Variants in TNC observed in about 807,000 individuals in gnomAD.
TNC encodes tenascin C.
Under a neutral mutation model 202.4 loss-of-function variants are expected in TNC, and 109 were observed. The ratio of observed to expected loss-of-function variants is 0.54; its 90% CI spans 0.46 to 0.63. TNC has a LOEUF of 0.63. TNC is among the 30% of genes least tolerant of loss of function. TNC has a pLI of 0.00. For synonymous variants in TNC, 1,007 were observed against 1,089.7 expected, an observed-to-expected ratio of 0.92 and a Z score of 1.50; for missense variants, 2,756 against 2,833.3, an observed-to-expected ratio of 0.97 and a Z score of 0.62.
rs146968992 is a variant in TNC at position 115,090,767 on chromosome 9, G to T, written c.252C>A (p.Ser84Arg). ...EKDLAPPSEP[S>R]ESFQEHTVDG... is the part of the protein sequence containing the mutation. ...CCACTGTGTGCTCCTGAAAGCTTTC[G>T]CTGGGCTCTGAAGGCGGTGCCAGGT... Residue 84 changes from serine (S) to arginine (R), a missense_variant, in exon 2 of 28, where the codon AGC becomes AGA. Coordinates refer to ENST00000350763, the MANE Select transcript of TNC (RefSeq NM_002160.4). 2.5e-6 allele frequency: 4 copies of T among 1,614,076 alleles called. No individual in the cohort carries two copies. The African/African-American group carries it at 5.3e-5, about 22-fold the overall frequency.
chr9:115,090,677 G>A lies in TNC; in HGVS notation c.342C>T (p.Ala114=), dbSNP rs748396580. The A allele has an allele frequency of 2.9e-5, 47 of 1,613,974 alleles. No homozygotes were observed. Among genetic ancestry groups the A allele is most frequent in the East Asian group, 4.5e-5 (2 of 44,872 alleles). ...GCAGCTCCTTAACATCAGGGGCTGC[G>A]GCACAGCCACAGGCCCGGCGGGGGA... ...INIPRRACGC[A]AAPDVKELLS... The change falls in exon 2 of 28, where the codon GCC becomes GCT. Residue 114 remains alanine (A), a synonymous_variant. Coordinates refer to ENST00000350763, the MANE Select transcript of TNC (RefSeq NM_002160.4).
rs57327715 is a variant in TNC, at chr9:115,087,527, GGTGTGTGT to G, written c.458-262_458-255del. Among the ~76,000 whole-genome samples the G allele has an allele frequency of 4.6e-3, 684 of 148,714 alleles. 5 individuals are homozygous for G. Among genetic ancestry groups the G allele is most frequent in the African/African-American group, 7.5e-3 (302 of 40,376 alleles). ...AAAACAGTGTGTGATTATGCATAGG[GGTGTGTGT>G]GTGTGTGTGTGTGTGTGTGTGTGTG... On this transcript the variant is annotated intron_variant, in intron 2 of 27. Transcript: ENST00000350763.
intron 18 of TNC, among the ~76,000 whole-genome samples, chr9:115,041,487 C>T (rs1830755488): frequency 6.6e-6 from 1 of 152,188 alleles, no homozygotes; most frequent in Non-Finnish European, 1.5e-5. Context: ...TATAGACTCC[C>T]TTACTAGAGG....
chr9:115,037,728 A>T (rs1169890777), intron 20 of TNC, among the ~76,000 whole-genome samples: 1 of 152,126 alleles, frequency 6.6e-6, no homozygotes, highest in East Asian at 1.9e-4. Flanking sequence ...AGGTTTCACC[A>T]TGTTGGCCAG....
intron 27 of TNC, 60 bp from the exon 28 acceptor site, chr9:115,021,327 G>T: frequency 8.5e-7 from 1 of 1,182,970 alleles, no homozygotes. Flanking sequence ...GTTGGTTACT[G>T]TTAGGCGAGG....
At chr9:115,106,786 G>A (rs140253867) in intron 1 of TNC, among the ~76,000 whole-genome samples, 88 of 152,260 alleles carry the variant, frequency 5.8e-4, no homozygotes, top group Middle Eastern at 3.4e-3. Context: ...ATCAGAGAGC[G>A]TTTCAGAGGG....
At chr9:115,117,135 A>G (rs10118040) in intron 1 of TNC, among the ~76,000 whole-genome samples, 60,710 of 151,996 alleles carry the variant, frequency 0.4, 12,597 homozygotes, top group East Asian at 0.7. Context: ...GGTCATATGT[A>G]TGGTGGTGGG....
rs541684033 is a variant in TNC, at chr9:115,033,517, C to A, written c.5787+1687G>T. On this transcript the variant is annotated intron_variant, in intron 22 of 27. Transcript: ENST00000350763. ...CCTAGAATGCCTGACAAGGAGAAGA[C>A]CTTAAAGATGGATAAGTCCAAGGCA... Among the ~76,000 whole-genome samples, 10 of 152,208 alleles carry A rather than the reference C, an allele frequency of 6.6e-5. No individual in the cohort carries two copies. In the East Asian group the frequency reaches 9.7e-4, roughly 15 times the overall value.
At chr9:115,082,070 G>GT in intron 5 of TNC, 142 bp from the exon 6 acceptor site, 1 of 731,452 alleles carries the variant, frequency 1.4e-6, no homozygotes, top group Non-Finnish European at 2.1e-6. Context: ...AGATCAGTAT[G>GT]TAAGCTACTG....
chr9:115,087,169 G>A lies in TNC; in HGVS notation c.562C>T (p.Pro188Ser). Reference sequence around the variant, plus strand: ...AGGTGACAGTTGCCTGGACATTCGGGCTCAGAGCAGTTGGGGCCTTTCCAG... The same window carrying A: ...AGGTGACAGTTGCCTGGACATTCGGACTCAGAGCAGTTGGGGCCTTTCCAG... ...PGWKGPNCSE[P>S]ECPGNCHLRG... Residue 188 changes from proline (P) to serine (S), a missense_variant, in exon 3 of 28, where the codon CCC becomes TCC. Coordinates refer to ENST00000350763, the MANE Select transcript of TNC (RefSeq NM_002160.4). The A allele has an allele frequency of 6.2e-7, 1 of 1,614,228 alleles. No homozygotes were observed. The highest frequency in any genetic ancestry group is 8.5e-7 in the Non-Finnish European group (1 of 1,180,050).
At chr9:115,033,393 T>A (rs1051890125) in intron 22 of TNC, among the ~76,000 whole-genome samples, 4 of 152,302 alleles carry the variant, frequency 2.6e-5, no homozygotes, top group African/African-American at 7.2e-5. Context: ...AGGAATACAA[T>A]TACCTGTCAG....
rs765458101 is a variant in TNC at position 115,041,002 on chromosome 9, G to A, written c.5331C>T (p.Val1777=). ...VKLIPGVEYL[V]SIIAMKGFEE... The stretch of plus-strand genomic sequence containing the variant: ...CAAAGCCCTTCATGGCGATGATGCT[G>A]ACAAGGTACTCCACGCCAGGTATGA... The change falls in exon 19 of 28, where the codon GTC becomes GTT. Residue 1777 remains valine (V), a synonymous_variant. Coordinates refer to ENST00000350763, the MANE Select transcript of TNC (RefSeq NM_002160.4). 6.2e-7 allele frequency: 1 copy of A among 1,613,946 alleles called. No homozygotes were observed. Among genetic ancestry groups the A allele is most frequent in the Non-Finnish European group, 8.5e-7 (1 of 1,180,018 alleles).
intron 16 of TNC, 69 bp downstream of exon 16, chr9:115,048,191 G>A (rs1010663735): frequency 8.4e-6 from 13 of 1,551,000 alleles, no homozygotes; most frequent in African/African-American, 2.8e-5. Flanking sequence ...AAGTCATGGC[G>A]ATCCGGTAGA....
At chr9:115,040,115 TC>T in intron 19 of TNC, among the ~76,000 whole-genome samples, 1 of 152,232 alleles carries the variant, frequency 6.6e-6, no homozygotes, top group Non-Finnish European at 1.5e-5. Flanking sequence ...TTCATTATTT[TC>T]CCCTCTTTAC....
chr9:115,024,647 T>G (rs1829338530), intron 26 of TNC, among the ~76,000 whole-genome samples: 2 of 152,224 alleles, frequency 1.3e-5, no homozygotes, highest in Non-Finnish European at 2.9e-5. Flanking sequence ...AATAATGGCA[T>G]GCTTTTCTCC....
intron 1 of TNC, among the ~76,000 whole-genome samples, chr9:115,095,457 T>TAC (rs1564137511): frequency 2.3e-5 from 2 of 86,714 alleles, no homozygotes; most frequent in African/African-American, 9.7e-5. Flanking sequence ...TATATATATA[T>TAC]GTATATATAT....
At chr9:115,030,476 A>G (rs1426581867) in intron 23 of TNC, 71 bp from the exon 24 acceptor site, 1 of 1,468,370 alleles carries the variant, frequency 6.8e-7, no homozygotes, top group African/African-American at 1.4e-5. Flanking sequence ...TCTTAGCTTA[A>G]CTCTATGGAC....
At chr9:115,054,223 A>G (rs998528037) in intron 15 of TNC, among the ~76,000 whole-genome samples, 8 of 152,204 alleles carry the variant, frequency 5.3e-5, no homozygotes, top group Non-Finnish European at 7.3e-5. Context: ...GCTCATTTGG[A>G]TAAACTTTAA....
At chr9:115,036,070 G>A (rs758661559) in intron 21 of TNC, 28 bp downstream of exon 21, 7 of 1,613,458 alleles carry the variant, frequency 4.3e-6, no homozygotes, top group Middle Eastern at 1.7e-4. Context: ...CCAGAAGGGA[G>A]AGCTTCCAGC....
Sources: allele counts gnomAD v4.1 joint callset (sites outside exome capture counted in the v4.1 genomes callset), GRCh38; gene constraint gnomAD v4.1.1; transcripts MANE v1.5; gene names NCBI Gene and HGNC (gene_info 2026-07-23, HGNC 2026-07-21).